The following VDR variants were observed in gnomAD, a reference collection of about 807,000 sequenced individuals.
VDR encodes vitamin D receptor, also known as vitamin D3 receptor.
Under a neutral mutation model 39.7 loss-of-function variants are expected in VDR, and 19 were observed. The ratio of observed to expected loss-of-function variants is 0.48; its 90% CI spans 0.33 to 0.70. The LOEUF (loss-of-function observed/expected upper bound fraction) is 0.70. VDR is among the 30% of genes least tolerant of loss of function. VDR has a pLI of 0.02. For missense variants in VDR, 442 were observed against 570.5 expected, an observed-to-expected ratio of 0.77 and a Z score of 2.29; for synonymous variants, 242 against 215.8, an observed-to-expected ratio of 1.12 and a Z score of -1.07.
intron 2 of VDR, among the ~76,000 whole-genome samples, chr12:47,879,666 T>C (rs1353619781): frequency 6.6e-6 from 1 of 152,194 alleles, no homozygotes; most frequent in Non-Finnish European, 1.5e-5. Context: ...GCCCTGGTCA[T>C]TCCAGCCCCA....
chr12:47,896,611 CA>C (rs1946469251), intron 1 of VDR: 1 of 152,190 alleles, frequency 6.6e-6, no homozygotes, highest in Non-Finnish European at 1.5e-5. Context: ...TTCTAGGCTC[CA>C]AACCTTCGGG....
At chr12:47,878,823 C>T in intron 3 of VDR, 145 bp downstream of exon 3, 1 of 1,306,088 alleles carries the variant, frequency 7.7e-7, no homozygotes, top group Non-Finnish European at 1.1e-6. Flanking sequence ...CACCAAGACC[C>T]TCCTGCTCCT....
At chr12:47,904,916 A>C in intron 1 of VDR, 39 bp downstream of exon 1, 1 of 260,602 alleles carries the variant, frequency 3.8e-6, no homozygotes, top group Non-Finnish European at 7.4e-6. Flanking sequence ...CCGAGTCCCT[A>C]TCCTGAGACC....
intron 3 of VDR, among the ~76,000 whole-genome samples, chr12:47,876,729 G>GTGT: frequency 6.6e-6 from 1 of 152,218 alleles, no homozygotes; most frequent in Non-Finnish European, 1.5e-5. Context: ...GGGCATGACA[G>GTGT]GACCTGTCCT....
chr12:47,858,666 T>C (rs1945547631), intron 4 of VDR, among the ~76,000 whole-genome samples: 1 of 152,252 alleles, frequency 6.6e-6, no homozygotes, highest in African/African-American at 2.4e-5. Flanking sequence ...GGCTGTGGCT[T>C]GCTGAGTGCT....
rs918587865 is a variant in VDR, at chr12:47,865,973, C to T, written c.147-796G>A. On this transcript the variant is annotated intron_variant, in intron 3 of 9. Transcript: ENST00000549336. ...CTCATGATCCGCCTGCCTTGGCCTC[C>T]CAAAGTGCTGGGATTACAGGCGTGA... Among the ~76,000 whole-genome samples, 5 of 152,112 alleles carry T rather than the reference C, an allele frequency of 3.3e-5. No homozygotes were observed. In the South Asian group the frequency reaches 1.0e-3, roughly 32 times the overall value.
chr12:47,870,315 C>T (rs1336463008), intron 3 of VDR, among the ~76,000 whole-genome samples: 5 of 152,230 alleles, frequency 3.3e-5, no homozygotes, highest in Non-Finnish European at 2.9e-5. Context: ...AAGGTCTACA[C>T]CCTACCCTGC....
intron 4 of VDR, among the ~76,000 whole-genome samples, chr12:47,859,466 C>T (rs1034217468): frequency 6.6e-6 from 1 of 152,192 alleles, no homozygotes; most frequent in Non-Finnish European, 1.5e-5. Context: ...ATGCTCGCCC[C>T]TGCATTTCCA....
Position 47,844,654 on chromosome 12 carries a change from T to C in VDR, c.*92A>G, listed in dbSNP as rs1592093349. 35 of 1,569,286 alleles carry C rather than the reference T, an allele frequency of 2.2e-5. 3 individuals carry two copies. In the South Asian group the frequency reaches 3.9e-4, roughly 18 times the overall value. On this transcript the variant is annotated 3_prime_UTR_variant, in exon 10 of 10. Transcript: ENST00000549336. ...AGGAGGGGCTGAACCCCAGACGGGGTGAGGAGGGCTGCTGAGTAGCCGCCA... is the reference window on the plus strand; with the variant it reads ...AGGAGGGGCTGAACCCCAGACGGGGCGAGGAGGGCTGCTGAGTAGCCGCCA...
At chr12:47,845,513 T>A (rs1481280423) in intron 9 of VDR, among the ~76,000 whole-genome samples, 3 of 152,176 alleles carry the variant, frequency 2.0e-5, no homozygotes, top group Non-Finnish European at 2.9e-5. Flanking sequence ...TTTTTAAAAC[T>A]CTTGCCTTGT....
intron 4 of VDR, among the ~76,000 whole-genome samples, chr12:47,860,362 T>C (rs1565615759): frequency 6.6e-6 from 1 of 152,164 alleles, no homozygotes; most frequent in Non-Finnish European, 1.5e-5. Flanking sequence ...AAATATCAAA[T>C]GCATCCACAC....
intron 4 of VDR, 93 bp from the exon 5 acceptor site, chr12:47,857,781 G>A (rs1945523269): frequency 1.4e-6 from 2 of 1,443,232 alleles, no homozygotes; most frequent in East Asian, 4.6e-5. Flanking sequence ...CAAGATAGGA[G>A]GGGCTTTAAC....
chr12:47,860,344 C>G (rs1945601214), intron 4 of VDR, among the ~76,000 whole-genome samples: 1 of 152,162 alleles, frequency 6.6e-6, no homozygotes, highest in South Asian at 2.1e-4. Context: ...GCTCAATAGT[C>G]TGACACCAAA....
At chr12:47,870,808 T>C (rs781695657) in intron 3 of VDR, among the ~76,000 whole-genome samples, 9 of 152,234 alleles carry the variant, frequency 5.9e-5, no homozygotes, top group Non-Finnish European at 1.3e-4. Context: ...GCTCCTGATC[T>C]GAAAGCTATG....
intron 4 of VDR, among the ~76,000 whole-genome samples, chr12:47,863,044 G>A (rs1352382845): frequency 6.6e-6 from 1 of 152,222 alleles, no homozygotes; most frequent in Non-Finnish European, 1.5e-5. Context: ...ATTAGGCTGG[G>A]GTGGGCGTGG....
At chr12:47,898,666 A>G (rs368979023) in intron 1 of VDR, 18 of 155,142 alleles carry the variant, frequency 1.2e-4, no homozygotes, top group South Asian at 4.1e-4. Flanking sequence ...TATTTTTCCA[A>G]TGGAATTCTA....
intron 3 of VDR, among the ~76,000 whole-genome samples, chr12:47,877,333 C>T (rs1946028570): frequency 6.6e-6 from 1 of 152,126 alleles, no homozygotes; most frequent in South Asian, 2.1e-4. Context: ...GCAGTGGTGA[C>T]CCATCAGGCT....
intron 2 of VDR, among the ~76,000 whole-genome samples, chr12:47,879,773 T>G (rs1175300790): frequency 2.0e-5 from 3 of 152,202 alleles, no homozygotes; most frequent in Admixed American, 2.0e-4. Flanking sequence ...CCCCCCCTTT[T>G]TTTGGCAATA....
In VDR at chr12:47,855,806, G is replaced by T. The variant is rs750949724; in HGVS notation, c.584-5C>A. The T allele has an allele frequency of 6.2e-7, 1 of 1,613,602 alleles. No homozygotes were observed. Among genetic ancestry groups the T allele is most frequent in the Non-Finnish European group, 8.5e-7 (1 of 1,179,930 alleles). On this transcript the variant is annotated splice_polypyrimidine_tract_variant and splice_region_variant and intron_variant, in intron 6 of 9. Coordinates refer to ENST00000549336, the MANE Select transcript of VDR (RefSeq NM_000376.3). The stretch of plus-strand genomic sequence containing the variant: ...AGCTGGACGAGTCCATCATGTCTGG[G>T]AGAGATGAGGGAAGAGAAGGAGCTA...
Sources: allele counts gnomAD v4.1 joint callset (sites outside exome capture counted in the v4.1 genomes callset), GRCh38; gene constraint gnomAD v4.1.1; transcripts MANE v1.5; gene names NCBI Gene and HGNC (gene_info 2026-07-23, HGNC 2026-07-21).